The following FZD3 variants were observed in gnomAD, a reference collection of about 807,000 sequenced individuals.
FZD3 encodes frizzled-3.
A neutral mutation model predicts 60.7 loss-of-function variants in FZD3; 30 were observed. The ratio of observed to expected loss-of-function variants is 0.49; its 90% CI spans 0.37 to 0.67. The LOEUF is 0.67. Ranked by LOEUF, FZD3 falls within the 30% of genes least tolerant of loss-of-function variation. The pLI is 0.00. For synonymous variants in FZD3, 246 were observed against 275.2 expected (o/e 0.89, Z 1.05); for missense variants, 605 against 838.7 (o/e 0.72, Z 3.44).
At chr8:28,531,072 A>G (rs576701337) in intron 5 of FZD3, among the ~76,000 whole-genome samples, 62 of 152,224 alleles carry the variant, frequency 4.1e-4, no homozygotes, top group African/African-American at 1.4e-3. Flanking sequence ...TTGTGTACCT[A>G]TGTATCTAAT....
intron 3 of FZD3, among the ~76,000 whole-genome samples, chr8:28,518,225 T>C (rs1335164789): frequency 6.6e-6 from 1 of 150,616 alleles, no homozygotes; most frequent in Admixed American, 6.6e-5. Flanking sequence ...TGCCTGGCTT[T>C]TTTTTTTTTT....
At chr8:28,494,639 G>C (rs879473271) in intron 1 of FZD3, among the ~76,000 whole-genome samples, 3 of 152,050 alleles carry the variant, frequency 2.0e-5, no homozygotes, top group Non-Finnish European at 2.9e-5. Context: ...TGAGGGCTAA[G>C]GGGGGAGCTG....
In FZD3 at chr8:28,517,141, T is replaced by C. The variant is rs75607453; in HGVS notation, c.190-3497T>C. Reference sequence around the variant, plus strand: ...CAAGCATTTCTTTTAGTGCAGTTTGTTGATGGCTAATTTTTCTTTTTTTGT... The same window carrying C: ...CAAGCATTTCTTTTAGTGCAGTTTGCTGATGGCTAATTTTTCTTTTTTTGT... On this transcript the variant is annotated intron_variant, in intron 3 of 7. Transcript: ENST00000240093. Among the ~76,000 whole-genome samples, 718 of 152,334 alleles carry C rather than the reference T, an allele frequency of 4.7e-3. 26 individuals carry two copies. In the East Asian group the frequency reaches 0.091, roughly 19 times the overall value.
intron 5 of FZD3, among the ~76,000 whole-genome samples, chr8:28,539,714 A>C (rs1478534973): frequency 6.6e-6 from 1 of 152,206 alleles, no homozygotes; most frequent in Non-Finnish European, 1.5e-5. Context: ...TAAAAAAATA[A>C]AAGCAAACCC....
rs1804059961 is a variant in FZD3 at position 28,503,684 on chromosome 8, T to TTAAA, written c.189+486_189+489dup. ...TTAATTGATATAGTTAATAATAGGT[T>TTAAA]TAAATAAGGGTATATCTGTCTATAA... On this transcript the variant is annotated intron_variant, in intron 3 of 7. Transcript: ENST00000240093. Among the ~76,000 whole-genome samples the TTAAA allele has an allele frequency of 7.2e-5, 11 of 152,314 alleles. No homozygotes were observed. In the South Asian group the frequency reaches 2.1e-3, roughly 29 times the overall value.
chr8:28,528,533 A>G (rs1389546193), intron 5 of FZD3, among the ~76,000 whole-genome samples: 2 of 152,102 alleles, frequency 1.3e-5, no homozygotes, highest in Non-Finnish European at 2.9e-5. Context: ...TGTTTTATTA[A>G]TAACAGTTTT....
At position 28,502,956 on chromosome 8, in the gene FZD3, A is replaced by G. The variant is rs1563380252; in HGVS notation, c.-58A>G. 14 of 1,164,480 alleles carry G rather than the reference A, an allele frequency of 1.2e-5. No homozygotes were observed. Among genetic ancestry groups the G allele is most frequent in the Non-Finnish European group, 1.1e-5 (9 of 804,590 alleles). 72.1% of individuals were successfully genotyped at this position (1,164,480 alleles called of 1,614,324 possible). A position where few individuals can be genotyped will look rare whatever the true frequency, so the allele number is the denominator to read the frequency against. ...AGCTGAGACCTGCAGGTGTATAAAT[A>G]TCTAAAATACATATTGAATAGGCCT... On this transcript the variant is annotated 5_prime_UTR_variant, in exon 3 of 8. It adds an upstream start codon to the 5' untranslated region. Coordinates refer to ENST00000240093, the MANE Select transcript of FZD3 (RefSeq NM_017412.4).
At chr8:28,514,218 T>G (rs1804363949) in intron 3 of FZD3, among the ~76,000 whole-genome samples, 1 of 152,212 alleles carries the variant, frequency 6.6e-6, no homozygotes, top group South Asian at 2.1e-4. Flanking sequence ...TCATAGAGCT[T>G]TCATAGTATT....
chr8:28,500,090 T>G (rs1803949315), intron 2 of FZD3, 112 bp downstream of exon 2: 1 of 152,172 alleles, frequency 6.6e-6, no homozygotes, highest in Admixed American at 6.5e-5. Context: ...TGAAAATTCT[T>G]TAACACCTAT....
rs1805714446 is a variant in FZD3 at position 28,566,872 on chromosome 8, G to A, written c.*3861G>A. 1 of 152,142 alleles carries A rather than the reference G, an allele frequency of 6.6e-6. No homozygotes were observed. The highest frequency in any genetic ancestry group is 1.5e-5 in the Non-Finnish European group (1 of 68,024). The allele number at this position is 152,142 out of a possible 1,614,324, so 9.4% of individuals were successfully genotyped here. A position where few individuals can be genotyped will look rare whatever the true frequency, so the allele number is the denominator to read the frequency against. Reference sequence around the variant, plus strand: ...TTCTCTGAGTCTTTGTTTCTTCAATGTAAAATGTGGATAAGGTAATTTTTG... The same window carrying A: ...TTCTCTGAGTCTTTGTTTCTTCAATATAAAATGTGGATAAGGTAATTTTTG... On this transcript the variant is annotated 3_prime_UTR_variant, in exon 8 of 8. Coordinates refer to ENST00000240093, the MANE Select transcript of FZD3 (RefSeq NM_017412.4).
chr8:28,531,737 CTG>C (rs1804880865), intron 5 of FZD3, among the ~76,000 whole-genome samples: 1 of 152,110 alleles, frequency 6.6e-6, no homozygotes, highest in Non-Finnish European at 1.5e-5. Flanking sequence ...TGGGGTTTCT[CTG>C]TGATTTACCT....
chr8:28,521,940 G>A (rs1007652220), intron 4 of FZD3, among the ~76,000 whole-genome samples: 6 of 152,058 alleles, frequency 3.9e-5, no homozygotes, highest in African/African-American at 1.4e-4. Context: ...TCTTGGAGGC[G>A]AGTAAAGCAG....
At chr8:28,551,524 A>G in intron 5 of FZD3, 79 bp from the exon 6 acceptor site, 1 of 1,140,726 alleles carries the variant, frequency 8.8e-7, no homozygotes, top group East Asian at 2.6e-5. Context: ...CTCAAAAGAA[A>G]AAGAAAAAGA....
In FZD3 at chr8:28,571,208, C is replaced by T. The variant is rs1424768497; in HGVS notation, c.*8197C>T. 6.6e-6 allele frequency: 1 copy of T among 151,952 alleles called. No homozygotes were observed. Among genetic ancestry groups the T allele is most frequent in the Non-Finnish European group, 1.5e-5 (1 of 67,982 alleles). 9.4% of individuals were successfully genotyped at this position (151,952 alleles called of 1,614,324 possible). On this transcript the variant is annotated 3_prime_UTR_variant, in exon 8 of 8. Coordinates refer to ENST00000240093, the MANE Select transcript of FZD3 (RefSeq NM_017412.4). ...CTAGAGTGATTTACTTTATGTTTAG[C>T]CATCCACCATTTTCCTATTTCTCTA...
chr8:28,546,864 A>C (rs951349211), intron 5 of FZD3, among the ~76,000 whole-genome samples: 1 of 151,474 alleles, frequency 6.6e-6, no homozygotes. Flanking sequence ...AGTCCCAGCT[A>C]CTCTGGGAAG....
intron 6 of FZD3, among the ~76,000 whole-genome samples, chr8:28,555,150 G>T (rs1167844612): frequency 6.6e-6 from 1 of 151,642 alleles, no homozygotes; most frequent in East Asian, 1.9e-4. Flanking sequence ...ATTTTGTTTT[G>T]TTCTAATTAT....
At chr8:28,525,262 A>G (rs1371907894) in intron 4 of FZD3, among the ~76,000 whole-genome samples, 1 of 152,218 alleles carries the variant, frequency 6.6e-6, no homozygotes, top group African/African-American at 2.4e-5. Flanking sequence ...TTATGGAGTG[A>G]AAATTCTAAT....
Position 28,564,634 on chromosome 8 carries a change from G to A in FZD3, c.*1623G>A, listed in dbSNP as rs549852437. On this transcript the variant is annotated 3_prime_UTR_variant, in exon 8 of 8. Coordinates refer to ENST00000240093, the MANE Select transcript of FZD3 (RefSeq NM_017412.4). Reference sequence around the variant, plus strand: ...GTTCTGCACCTGATGCCAAATTCTGGGCTGTACTCCTAGAGAGACTTACTC... The same window carrying A: ...GTTCTGCACCTGATGCCAAATTCTGAGCTGTACTCCTAGAGAGACTTACTC... The A allele has an allele frequency of 6.6e-6, 1 of 152,040 alleles. No homozygotes were observed. Among genetic ancestry groups the A allele is most frequent in the African/African-American group, 2.4e-5 (1 of 41,478 alleles). The allele number at this position is 152,040 out of a possible 1,614,324, so 9.4% of individuals were successfully genotyped here.
intron 6 of FZD3, among the ~76,000 whole-genome samples, chr8:28,554,151 G>C (rs1352610021): frequency 6.6e-6 from 1 of 152,196 alleles, no homozygotes; most frequent in Non-Finnish European, 1.5e-5. Context: ...TTCTGACATA[G>C]ATTTAAATAT....
Sources: gnomAD v4.1 joint callset for allele counts (sites outside exome capture counted in the v4.1 genomes callset) on GRCh38, gnomAD v4.1.1 for gene constraint, MANE v1.5 for transcripts, NCBI Gene and HGNC (gene_info 2026-07-23, HGNC 2026-07-21) for gene names.